Variants in LRRC7 observed in about 807,000 individuals in gnomAD.
LRRC7 encodes leucine-rich repeat-containing protein 7.
Under a neutral mutation model 175.7 loss-of-function variants are expected in LRRC7, and 23 were observed. The observed-to-expected ratio is 0.13, with a 90% CI of 0.09 to 0.19. LRRC7 has a LOEUF of 0.19. Among genes scored for constraint, LRRC7 ranks in the 10% least tolerant of loss-of-function variants. The pLI is 1.00. For synonymous variants in LRRC7, 685 were observed against 680.9 expected, an observed-to-expected ratio of 1.01 and a Z score of -0.09; for missense variants, 1,354 against 1,904.7, an observed-to-expected ratio of 0.71 and a Z score of 5.38.
chr1:69,811,470 C>T (rs1451002155), intron 4 of LRRC7, among the ~76,000 whole-genome samples: 3 of 152,010 alleles, frequency 2.0e-5, no homozygotes, highest in East Asian at 3.9e-4. Context: ...CACATGGACA[C>T]GTATGTTTAT....
At chr1:69,909,394 T>C (rs1419138922) in intron 7 of LRRC7, among the ~76,000 whole-genome samples, 1 of 152,246 alleles carries the variant, frequency 6.6e-6, no homozygotes, top group Non-Finnish European at 1.5e-5. Context: ...GGCATGTTTT[T>C]GCAGTGGCTG....
intron 1 of LRRC7, chr1:69,607,733 G>A (rs545881616): frequency 6.6e-6 from 1 of 152,146 alleles, no homozygotes; most frequent in African/African-American, 2.4e-5. Context: ...AGATTTTCCT[G>A]CCAAATGATT....
chr1:69,748,083 G>A (rs972701878), intron 2 of LRRC7, among the ~76,000 whole-genome samples: 1 of 152,038 alleles, frequency 6.6e-6, no homozygotes, highest in African/African-American at 2.4e-5. Context: ...AAGCAACTTA[G>A]TTTATTAAAA....
intron 7 of LRRC7, chr1:69,879,453 C>T (rs1455898741): frequency 1.3e-5 from 2 of 152,102 alleles, no homozygotes; most frequent in Non-Finnish European, 2.9e-5. Flanking sequence ...GACCCTCTCT[C>T]GAGAAACCAC....
intron 2 of LRRC7, among the ~76,000 whole-genome samples, chr1:69,755,065 G>A (rs1187866178): frequency 6.6e-6 from 1 of 151,968 alleles, no homozygotes; most frequent in Non-Finnish European, 1.5e-5. Flanking sequence ...AGTGTCAGAA[G>A]AGTTGATGTC....
chr1:69,973,302 G>A (rs956451339), intron 8 of LRRC7, among the ~76,000 whole-genome samples: 7 of 151,716 alleles, frequency 4.6e-5, no homozygotes, highest in African/African-American at 1.7e-4. Context: ...GTAGGAAAAG[G>A]GTGAGAGATA....
intron 7 of LRRC7, among the ~76,000 whole-genome samples, chr1:69,886,713 C>T (rs1016482090): frequency 2.0e-5 from 3 of 149,628 alleles, no homozygotes; most frequent in Non-Finnish European, 4.4e-5. Context: ...TTCCTAGTCT[C>T]GATGGTCTTT....
intron 7 of LRRC7, among the ~76,000 whole-genome samples, chr1:69,894,852 TAC>T (rs1453502859): frequency 6.6e-6 from 1 of 152,174 alleles, no homozygotes; most frequent in Non-Finnish European, 1.5e-5. Flanking sequence ...GGTATAAAGT[TAC>T]AGTTATACAA....
At chr1:69,832,599 A>C (rs938584912) in intron 5 of LRRC7, among the ~76,000 whole-genome samples, 1 of 152,178 alleles carries the variant, frequency 6.6e-6, no homozygotes, top group Non-Finnish European at 1.5e-5. Flanking sequence ...AAATGAAAAA[A>C]CTAACAAAAC....
chr1:69,665,883 G>A (rs774519443), intron 1 of LRRC7, among the ~76,000 whole-genome samples: 1 of 151,998 alleles, frequency 6.6e-6, no homozygotes, highest in Non-Finnish European at 1.5e-5. Flanking sequence ...GGGGAAAGTG[G>A]ACATCTTTGT....
At chr1:70,118,864 T>G (rs1666033169) in intron 26 of LRRC7, among the ~76,000 whole-genome samples, 1 of 152,132 alleles carries the variant, frequency 6.6e-6, no homozygotes, top group Non-Finnish European at 1.5e-5. Context: ...CTCCCTTTCT[T>G]TGTCTCTCTC....
chr1:70,084,579 A>G (rs1663463084), intron 24 of LRRC7, among the ~76,000 whole-genome samples: 1 of 152,142 alleles, frequency 6.6e-6, no homozygotes, highest in African/African-American at 2.4e-5. Context: ...TTGGGTTTCT[A>G]CTTTTTGGCT....
At chr1:69,891,825 G>A (rs564113741) in intron 7 of LRRC7, among the ~76,000 whole-genome samples, 62 of 139,408 alleles carry the variant, frequency 4.4e-4, no homozygotes, top group Admixed American at 4.0e-3. Flanking sequence ...ACAAAGACAT[G>A]AGTGAGCACA....
chr1:69,808,679 A>G (rs1415014520), intron 4 of LRRC7, among the ~76,000 whole-genome samples: 1 of 152,174 alleles, frequency 6.6e-6, no homozygotes, highest in African/African-American at 2.4e-5. Context: ...AAATAATGAC[A>G]TTAATGCAGA....
At chr1:69,681,952 G>A (rs941321222) in intron 2 of LRRC7, among the ~76,000 whole-genome samples, 1 of 152,122 alleles carries the variant, frequency 6.6e-6, no homozygotes, top group Non-Finnish European at 1.5e-5. Context: ...CTGAAGGTCA[G>A]GAGTCCAGAG....
At chr1:69,949,781 A>C (rs1649725738) in intron 8 of LRRC7, among the ~76,000 whole-genome samples, 1 of 152,086 alleles carries the variant, frequency 6.6e-6, no homozygotes, top group Non-Finnish European at 1.5e-5. Flanking sequence ...ATTTTACTTT[A>C]ATAGATAGTA....
At chr1:70,016,853 A>AT (rs147758900) in intron 14 of LRRC7, among the ~76,000 whole-genome samples, 66 of 152,268 alleles carry the variant, frequency 4.3e-4, no homozygotes, top group Non-Finnish European at 9.0e-4. Context: ...TACTTTAATT[A>AT]TATCTCTGAA....
chr1:69,628,463 TAAAAG>T (rs1262199237), intron 1 of LRRC7, among the ~76,000 whole-genome samples: 2 of 152,184 alleles, frequency 1.3e-5, no homozygotes, highest in Non-Finnish European at 2.9e-5. Context: ...AAAACTGTGA[TAAAAG>T]AAATCAAATA....
intron 2 of LRRC7, among the ~76,000 whole-genome samples, chr1:69,688,894 A>G (rs1159678133): frequency 2.6e-5 from 4 of 152,116 alleles, no homozygotes; most frequent in Non-Finnish European, 5.9e-5. Flanking sequence ...ACTCAACACT[A>G]TATCTCATAT....
Sources: allele counts gnomAD v4.1 joint callset (sites outside exome capture counted in the v4.1 genomes callset), GRCh38; gene constraint gnomAD v4.1.1; transcripts MANE v1.5; gene names NCBI Gene and HGNC (gene_info 2026-07-23, HGNC 2026-07-21).